The following MTHFD2L variants were observed in gnomAD, a reference collection of about 807,000 sequenced individuals.
The protein encoded by MTHFD2L is bifunctional methylenetetrahydrofolate dehydrogenase/cyclohydrolase 2, mitochondrial.
In MTHFD2L, 29 loss-of-function variants were observed where a neutral mutation model predicts 34.9. The observed-to-expected ratio is 0.83, with a 90% CI of 0.62 to 1.13. The LOEUF is 1.13. Ranked by LOEUF, MTHFD2L falls within the 50% of genes most tolerant of loss-of-function variation. MTHFD2L has a pLI of 0.00. For missense variants in MTHFD2L, 481 were observed against 446.5 expected (o/e 1.08, Z -0.70); for synonymous variants, 167 against 155.7 (o/e 1.07, Z -0.54).
intron 6 of MTHFD2L, among the ~76,000 whole-genome samples, chr4:74,256,972 AT>A (rs909849794): frequency 2.0e-5 from 3 of 151,562 alleles, no homozygotes; most frequent in African/African-American, 4.8e-5. Context: ...GGATTTTAGA[AT>A]TTTTTTTTCT....
At chr4:74,254,636 A>G (rs564817125) in intron 6 of MTHFD2L, among the ~76,000 whole-genome samples, 1 of 152,112 alleles carries the variant, frequency 6.6e-6, no homozygotes, top group African/African-American at 2.4e-5. Context: ...ACATGCCTTA[A>G]AAGAAATGCT....
chr4:74,162,079 G>A (rs1000306357), intron 1 of MTHFD2L: 18 of 152,142 alleles, frequency 1.2e-4, no homozygotes, highest in African/African-American at 4.3e-4. Flanking sequence ...ACAGAACACA[G>A]TCTGAACCTA....
At chr4:74,274,856 G>C (rs1422156411) in intron 6 of MTHFD2L, among the ~76,000 whole-genome samples, 3 of 152,136 alleles carry the variant, frequency 2.0e-5, no homozygotes, top group Non-Finnish European at 2.9e-5. Context: ...TTCTCCTGGA[G>C]AGCCAGTTAA....
chr4:74,174,742 C>A, intron 2 of MTHFD2L, 52 bp downstream of exon 2: 1 of 1,206,044 alleles, frequency 8.3e-7, no homozygotes, highest in Non-Finnish European at 1.1e-6. Flanking sequence ...TCTGTTTTTA[C>A]TTCAAATTGT....
At chr4:74,263,758 T>A (rs1161939808) in intron 6 of MTHFD2L, among the ~76,000 whole-genome samples, 1 of 152,078 alleles carries the variant, frequency 6.6e-6, no homozygotes, top group Non-Finnish European at 1.5e-5. Flanking sequence ...AAATATAGGA[T>A]CATGTCATCT....
chr4:74,132,182 C>A (rs776813332), intron 1 of MTHFD2L, among the ~76,000 whole-genome samples: 4 of 152,070 alleles, frequency 2.6e-5, no homozygotes, highest in South Asian at 4.1e-4. Context: ...GACAATGTAG[C>A]GATTCCTCAA....
intron 5 of MTHFD2L, among the ~76,000 whole-genome samples, chr4:74,218,618 C>G (rs549242735): frequency 6.6e-6 from 1 of 151,058 alleles, no homozygotes; most frequent in Non-Finnish European, 1.5e-5. Context: ...TTTCAAGCCC[C>G]CCCCCCACCA....
At chr4:74,250,895 C>T (rs1366637723) in intron 6 of MTHFD2L, among the ~76,000 whole-genome samples, 1 of 152,126 alleles carries the variant, frequency 6.6e-6, no homozygotes, top group Non-Finnish European at 1.5e-5. Context: ...ATGCTGAAGC[C>T]CTTTAAGTGG....
chr4:74,163,896 G>A (rs1474791177), intron 1 of MTHFD2L, among the ~76,000 whole-genome samples: 2 of 152,032 alleles, frequency 1.3e-5, no homozygotes, highest in African/African-American at 2.4e-5. Flanking sequence ...TTTTGTTTGA[G>A]GCAGAGTCTT....
intron 6 of MTHFD2L, chr4:74,268,320 T>C: frequency 1.1e-6 from 1 of 879,664 alleles, no homozygotes; most frequent in Non-Finnish European, 1.4e-6. Context: ...ACTCTAATTA[T>C]TATCTTTATT....
At chr4:74,189,046 TG>T (rs962378042) in intron 3 of MTHFD2L, among the ~76,000 whole-genome samples, 2 of 151,954 alleles carry the variant, frequency 1.3e-5, no homozygotes, top group Non-Finnish European at 2.9e-5. Flanking sequence ...ATGGACTAAT[TG>T]GGTAGACTAT....
At chr4:74,196,303 A>G (rs1733452702) in intron 3 of MTHFD2L, among the ~76,000 whole-genome samples, 1 of 152,198 alleles carries the variant, frequency 6.6e-6, no homozygotes, top group South Asian at 2.1e-4. Context: ...AAGGATTAGT[A>G]GTGAAAAAAA....
intron 5 of MTHFD2L, among the ~76,000 whole-genome samples, chr4:74,217,526 C>T (rs1488654895): frequency 1.3e-5 from 2 of 151,508 alleles, no homozygotes; most frequent in African/African-American, 4.9e-5. Flanking sequence ...TCCTTTAAAC[C>T]ACACCGTGAC....
intron 6 of MTHFD2L, among the ~76,000 whole-genome samples, chr4:74,235,863 G>T (rs371356766): frequency 6.6e-6 from 1 of 152,018 alleles, no homozygotes; most frequent in Admixed American, 6.6e-5. Flanking sequence ...ACCTTTATCG[G>T]CTTGAAAGCA....
chr4:74,247,616 T>G (rs1742669566), intron 6 of MTHFD2L, among the ~76,000 whole-genome samples: 1 of 152,184 alleles, frequency 6.6e-6, no homozygotes, highest in Non-Finnish European at 1.5e-5. Context: ...GGCTGTGGGT[T>G]TGTCATAGAT....
intron 6 of MTHFD2L, among the ~76,000 whole-genome samples, chr4:74,250,597 T>G (rs1372506217): frequency 6.6e-6 from 1 of 152,236 alleles, no homozygotes; most frequent in Non-Finnish European, 1.5e-5. Flanking sequence ...ATTGTTCTAC[T>G]ATTTCCTGGA....
chr4:74,233,654 G>C (rs1740419638), intron 6 of MTHFD2L, among the ~76,000 whole-genome samples: 1 of 151,972 alleles, frequency 6.6e-6, no homozygotes. Flanking sequence ...TGGTAATATA[G>C]ACTGTACAAA....
chr4:74,244,581 T>C (rs1742156391), intron 6 of MTHFD2L, among the ~76,000 whole-genome samples: 1 of 152,226 alleles, frequency 6.6e-6, no homozygotes, highest in Non-Finnish European at 1.5e-5. Context: ...TATAATGATA[T>C]GTGGCAATGT....
intron 6 of MTHFD2L, among the ~76,000 whole-genome samples, chr4:74,280,917 C>A (rs867377623): frequency 2.6e-5 from 4 of 152,088 alleles, no homozygotes; most frequent in Non-Finnish European, 5.9e-5. Context: ...TGGCACTTTA[C>A]TGTTTATGAC....
Sources: gnomAD v4.1 joint callset for allele counts (sites outside exome capture counted in the v4.1 genomes callset) on GRCh38, gnomAD v4.1.1 for gene constraint, MANE v1.5 for transcripts, NCBI Gene and HGNC (gene_info 2026-07-23, HGNC 2026-07-21) for gene names.